Variants in ZNF207 observed in about 807,000 individuals in gnomAD.
ZNF207 encodes BUB3-interacting and GLEBS motif-containing protein ZNF207.
In ZNF207, 24 loss-of-function variants were observed where a neutral mutation model predicts 60.2. The ratio of observed to expected loss-of-function variants is 0.40; its 90% CI spans 0.29 to 0.56. The LOEUF is 0.56. ZNF207 is among the 20% of genes least tolerant of loss of function. The pLI is 0.49. For missense variants in ZNF207, 452 were observed against 636.6 expected, an observed-to-expected ratio of 0.71 and a Z score of 3.12; for synonymous variants, 236 against 194.7, an observed-to-expected ratio of 1.21 and a Z score of -1.77.
At chr17:32,366,302 T>G (rs1272277108) in intron 8 of ZNF207, among the ~76,000 whole-genome samples, 2 of 145,948 alleles carry the variant, frequency 1.4e-5, no homozygotes, top group Non-Finnish European at 3.0e-5. Context: ...TATTGAGAGA[T>G]GTAAAACTTT....
intron 2 of ZNF207, among the ~76,000 whole-genome samples, chr17:32,355,487 T>C (rs1904452837): frequency 6.6e-6 from 1 of 152,194 alleles, no homozygotes; most frequent in South Asian, 2.1e-4. Flanking sequence ...ATTTTGAGTG[T>C]AGGTATGTTT....
At chr17:32,355,587 A>G (rs1904459717) in intron 2 of ZNF207, among the ~76,000 whole-genome samples, 1 of 152,202 alleles carries the variant, frequency 6.6e-6, no homozygotes, top group Non-Finnish European at 1.5e-5. Context: ...GGAGATAGAA[A>G]TTTGGACGCA....
intron 9 of ZNF207, among the ~76,000 whole-genome samples, chr17:32,367,285 A>ATATATACATATATATATATATAT (rs1905245429): frequency 7.5e-6 from 1 of 134,094 alleles, no homozygotes; most frequent in Non-Finnish European, 1.6e-5. Context: ...ATATATATAT[A>ATATATACATATATATATATATAT]AAGAATACTA....
At chr17:32,366,843 C>A in intron 9 of ZNF207, 86 bp downstream of exon 9, 1 of 1,183,898 alleles carries the variant, frequency 8.4e-7, no homozygotes, top group Non-Finnish European at 1.1e-6. Flanking sequence ...AATATTTTTC[C>A]AAAAATATAC....
rs553315286 is a variant in ZNF207 at position 32,360,182 on chromosome 17, C to G, written c.308-416C>G. 6.8e-4 allele frequency among the ~76,000 whole-genome samples: 75 copies of G among 110,516 alleles called. 2 individuals carry two copies. The South Asian group carries it at 0.019, about 29-fold the overall frequency. 72.5% of individuals were successfully genotyped at this position (110,516 alleles called of 152,430 possible). A position where few individuals can be genotyped will look rare whatever the true frequency, so the allele number is the denominator to read the frequency against. ...AGTTCAAGACCTCACCTTTACCCCC[C>G]CCCCAAAAAAAAAAAAAAAAAGCCC... On this transcript the variant is annotated intron_variant, in intron 3 of 11. Coordinates refer to ENST00000394670, the MANE Select transcript of ZNF207 (RefSeq NM_001098507.2).
chr17:32,351,658 A>G (rs772015200), intron 1 of ZNF207, 128 bp from the exon 2 acceptor site: 4 of 1,579,434 alleles, frequency 2.5e-6, no homozygotes, highest in Admixed American at 3.6e-5. Flanking sequence ...TAATAAATAT[A>G]AAAAGCAGAG....
At chr17:32,360,186 CAAA>C (rs1555606146) in intron 3 of ZNF207, among the ~76,000 whole-genome samples, 2 of 52,254 alleles carry the variant, frequency 3.8e-5, no homozygotes, top group African/African-American at 7.3e-5. Context: ...ACCCCCCCCC[CAAA>C]AAAAAAAAAA....
At chr17:32,351,986 T>G in intron 2 of ZNF207, 74 bp downstream of exon 2, 1 of 1,431,160 alleles carries the variant, frequency 7.0e-7, no homozygotes, top group East Asian at 2.4e-5. Flanking sequence ...CTTTTTTATT[T>G]TTTTGAGTTT....
At position 32,375,751 on chromosome 17, in the gene ZNF207, C is replaced by G. The variant is rs548401897; in HGVS notation, c.*5992C>G. The G allele has an allele frequency of 6.6e-6, 1 of 152,038 alleles. No homozygotes were observed. Among genetic ancestry groups the G allele is most frequent in the South Asian group, 2.1e-4 (1 of 4,820 alleles). 9.4% of individuals were successfully genotyped at this position (152,038 alleles called of 1,614,324 possible). ...TTTTTAAAAGGTTGTCATTATTGAC[C>G]TAATATTGAGTAATCTTTCTGCGTT... On this transcript the variant is annotated 3_prime_UTR_variant, in exon 12 of 12. Transcript: ENST00000394670.
intron 6 of ZNF207, among the ~76,000 whole-genome samples, chr17:32,362,414 G>C (rs917386268): frequency 1.3e-5 from 2 of 152,090 alleles, no homozygotes; most frequent in Admixed American, 6.5e-5. Context: ...CTTGAGCCTT[G>C]GCCTCTCAAA....
At chr17:32,351,704 C>T in intron 1 of ZNF207, 82 bp from the exon 2 acceptor site, 1 of 1,611,164 alleles carries the variant, frequency 6.2e-7, no homozygotes, top group Non-Finnish European at 8.5e-7. Flanking sequence ...TAGCTGTTCC[C>T]ATATTGTAAT....
At chr17:32,369,261 G>A (rs1288739507) in intron 10 of ZNF207, 34 bp from the exon 11 acceptor site, 6 of 1,599,836 alleles carry the variant, frequency 3.8e-6, no homozygotes, top group Non-Finnish European at 5.1e-6. Flanking sequence ...CTCTGCATTC[G>A]AGTATTTAGC....
intron 7 of ZNF207, 140 bp downstream of exon 7, chr17:32,363,124 C>T (rs993606013): frequency 3.3e-6 from 2 of 605,684 alleles, no homozygotes; most frequent in Non-Finnish European, 2.7e-6. Context: ...TATATGGACC[C>T]TTTTTTAAAA....
intron 2 of ZNF207, among the ~76,000 whole-genome samples, chr17:32,354,682 C>T (rs1904400774): frequency 6.6e-6 from 1 of 151,694 alleles, no homozygotes; most frequent in South Asian, 2.1e-4. Flanking sequence ...GGCGTGATCT[C>T]GGCTCACCGC....
intron 2 of ZNF207, among the ~76,000 whole-genome samples, chr17:32,356,660 T>C (rs1165472198): frequency 1.3e-5 from 2 of 152,178 alleles, no homozygotes; most frequent in Non-Finnish European, 2.9e-5. Flanking sequence ...CCTAAATGAG[T>C]GCTTCTCAAA....
rs1332252492 is a variant in ZNF207 at position 32,380,828 on chromosome 17, G to A, written c.*11069G>A. 2 of 152,116 alleles carry A rather than the reference G, an allele frequency of 1.3e-5. No individual in the cohort carries two copies. The highest frequency in any genetic ancestry group is 1.3e-4 in the Admixed American group (2 of 15,254). 9.4% of individuals were successfully genotyped at this position (152,116 alleles called of 1,614,324 possible). A position where few individuals can be genotyped will look rare whatever the true frequency, so the allele number is the denominator to read the frequency against. On this transcript the variant is annotated 3_prime_UTR_variant, in exon 12 of 12. Transcript: ENST00000394670. ...AAAAATCAGCCGGGTGTGGTGGGAC[G>A]TGCCTGTAACCCCAGCTACTCTGGA... is the stretch of plus-strand genomic sequence containing the variant.
intron 2 of ZNF207, among the ~76,000 whole-genome samples, chr17:32,355,273 C>T (rs1308030517): frequency 6.6e-6 from 1 of 152,156 alleles, no homozygotes; most frequent in Non-Finnish European, 1.5e-5. Flanking sequence ...GCCTGTGTCC[C>T]AGCTACTCAG....
chr17:32,360,364 A>G (rs1016634409), intron 3 of ZNF207, among the ~76,000 whole-genome samples: 1 of 152,066 alleles, frequency 6.6e-6, no homozygotes, highest in Non-Finnish European at 1.5e-5. Context: ...TTAAAAGAAA[A>G]AATACTGATT....
chr17:32,350,353 G>A, intron 1 of ZNF207, 27 bp downstream of exon 1: 2 of 1,613,948 alleles, frequency 1.2e-6, no homozygotes, highest in South Asian at 1.1e-5. Context: ...TGAAGTCGAG[G>A]TCGCGTTGGG....
Sources: allele counts gnomAD v4.1 joint callset (sites outside exome capture counted in the v4.1 genomes callset), GRCh38; gene constraint gnomAD v4.1.1; transcripts MANE v1.5; gene names NCBI Gene and HGNC (gene_info 2026-07-23, HGNC 2026-07-21).